PARPBP: variants seen among roughly 807,000 people sequenced by gnomAD.
The protein encoded by PARPBP is PARP1 binding protein, also known as PCNA-interacting partner.
PARPBP carries 52 observed loss-of-function variants against 50.0 expected under a neutral mutation model. The observed-to-expected ratio is 1.04, with a 90% CI of 0.83 to 1.31. The LOEUF is 1.31. Ranked by LOEUF, PARPBP falls within the 50% of genes most tolerant of loss-of-function variation. The pLI, the probability that PARPBP is intolerant of heterozygous loss-of-function variation, is 0.00. For missense variants in PARPBP, 697 were observed against 672.0 expected (o/e 1.04, Z -0.41); for synonymous variants, 244 against 232.1 (o/e 1.05, Z -0.47).
intron 4 of PARPBP, among the ~76,000 whole-genome samples, chr12:102,159,605 T>G (rs749606988): frequency 2.6e-5 from 4 of 152,208 alleles, no homozygotes; most frequent in Non-Finnish European, 2.9e-5. Context: ...TTCATTTTAT[T>G]TTTCCTAAGG....
chr12:102,193,036 C>T (rs958954554), intron 9 of PARPBP, among the ~76,000 whole-genome samples: 18 of 151,188 alleles, frequency 1.2e-4, no homozygotes, highest in African/African-American at 4.4e-4. Flanking sequence ...TCTTTTACAT[C>T]TGAACTTGTT....
chr12:102,159,518 A>G (rs571710177), intron 4 of PARPBP, among the ~76,000 whole-genome samples: 34 of 152,232 alleles, frequency 2.2e-4, no homozygotes, highest in Admixed American at 4.6e-4. Flanking sequence ...TGTGTTTACT[A>G]ATATGACACC....
At chr12:102,195,889 T>G in intron 10 of PARPBP, 62 bp from the exon 11 acceptor site, 4 of 1,073,576 alleles carry the variant, frequency 3.7e-6, no homozygotes, top group Non-Finnish European at 5.4e-6. Flanking sequence ...ATTGTAAAGT[T>G]CTCGTAAATA....
intron 2 of PARPBP, among the ~76,000 whole-genome samples, chr12:102,142,844 C>T (rs1884823626): frequency 6.6e-6 from 1 of 152,232 alleles, no homozygotes; most frequent in Admixed American, 6.5e-5. Flanking sequence ...CCTGATCCTT[C>T]CTCTGGAAGT....
intron 6 of PARPBP, among the ~76,000 whole-genome samples, chr12:102,173,137 CAAGTG>C (rs1488289833): frequency 3.9e-5 from 6 of 152,168 alleles, no homozygotes; most frequent in African/African-American, 9.6e-5. Flanking sequence ...GCCAGCGAGG[CAAGTG>C]AAGAAGGGAA....
At chr12:102,175,023 T>G (rs1362208815) in intron 6 of PARPBP, among the ~76,000 whole-genome samples, 1 of 152,202 alleles carries the variant, frequency 6.6e-6, no homozygotes, top group Non-Finnish European at 1.5e-5. Context: ...GACAAACCAT[T>G]TAACCTTTGT....
At chr12:102,174,286 C>T (rs750813427) in intron 6 of PARPBP, among the ~76,000 whole-genome samples, 1 of 151,944 alleles carries the variant, frequency 6.6e-6, no homozygotes, top group Non-Finnish European at 1.5e-5. Flanking sequence ...TAAACAAATG[C>T]CGGATATGAG....
intron 2 of PARPBP, among the ~76,000 whole-genome samples, chr12:102,146,187 G>A (rs973966696): frequency 4.6e-5 from 7 of 152,000 alleles, no homozygotes; most frequent in African/African-American, 1.7e-4. Context: ...GCCACCAATG[G>A]CTTTCTTCAC....
In PARPBP at chr12:102,162,350, T is replaced by G. The variant is rs1228409598; in HGVS notation, c.496-2088T>G. ...TACTGAAGGATTTTTGAATTTCATG[T>G]GTTTTGAGTGGGAATCGAGTTTAGA... On this transcript the variant is annotated intron_variant, in intron 4 of 10. Transcript: ENST00000327680. 3.3e-5 allele frequency among the ~76,000 whole-genome samples: 5 copies of G among 152,308 alleles called. No individual in the cohort carries two copies. The East Asian group carries it at 9.6e-4, about 29-fold the overall frequency.
intron 3 of PARPBP, among the ~76,000 whole-genome samples, chr12:102,149,445 A>G (rs1885897829): frequency 6.6e-6 from 1 of 152,174 alleles, no homozygotes; most frequent in East Asian, 1.9e-4. Context: ...AGACCATTTT[A>G]TGGTCCAAGA....
At position 102,147,876 on chromosome 12, in the gene PARPBP, T is replaced by A. The variant is rs181475306; in HGVS notation, c.154-354T>A. Among the ~76,000 whole-genome samples the A allele has an allele frequency of 2.4e-3, 368 of 152,110 alleles. 3 individuals carry two copies. The highest frequency in any genetic ancestry group is 4.1e-3 in the Non-Finnish European group (276 of 67,992). On this transcript the variant is annotated intron_variant, in intron 2 of 10. Transcript: ENST00000327680. ...GAAAAGGAACTAAAAAGAATCAAAA[T>A]TTTCCCCCATCAATAGTACTTAAGT... is the stretch of plus-strand genomic sequence containing the variant.
chr12:102,178,736 C>G lies in PARPBP; in HGVS notation c.1150C>G (p.His384Asp). Residue 384 changes from histidine to aspartate, a missense_variant, in exon 8 of 11, where the codon CAT (histidine) becomes GAT (aspartate). His to Asp is a moderately conservative substitution (Grantham distance 81, BLOSUM62 -1). Coordinates refer to ENST00000327680, the MANE Select transcript of PARPBP (RefSeq NM_017915.5). ...TTTATATGATGAGGAAAACACAATC[C>G]ATCATCATGGAACGTCTATTCTTAC... ...ELLYDEENTI[H>D]HHGTSILTLF... is the part of the protein sequence containing the mutation. The G allele has an allele frequency of 6.2e-7, 1 of 1,611,940 alleles. No individual in the cohort carries two copies. The highest frequency in any genetic ancestry group is 8.5e-7 in the Non-Finnish European group (1 of 1,178,882).
At chr12:102,169,590 A>G (rs1037876055) in intron 6 of PARPBP, among the ~76,000 whole-genome samples, 1 of 152,030 alleles carries the variant, frequency 6.6e-6, no homozygotes, top group Non-Finnish European at 1.5e-5. Context: ...TCCTATAGCT[A>G]CTATTTTATT....
chr12:102,130,919 A>AG (rs1200710504), intron 2 of PARPBP, among the ~76,000 whole-genome samples: 1 of 152,192 alleles, frequency 6.6e-6, no homozygotes, highest in African/African-American at 2.4e-5. Context: ...TTTCAAAAGA[A>AG]GACATACATG....
rs949858091 is a variant in PARPBP, at chr12:102,123,908, A to G, written c.20A>G (p.Lys7Arg). The change falls in exon 2 of 11, where the codon AAG becomes AGG. Residue 7 changes from lysine (K) to arginine (R), a missense_variant. Lys to Arg is a conservative substitution (Grantham distance 26, BLOSUM62 2). Transcript: ENST00000327680. ...AAGATAATGGCTGTGTTTAATCAGA[A>G]GTCTGTCTCGGATATGATTAAAGAG... MAVFNQKSVSDMIKEFR... is the reference protein window; with the variant it reads MAVFNQRSVSDMIKEFR... The G allele has an allele frequency of 1.3e-6, 2 of 1,534,946 alleles. No individual in the cohort carries two copies. Among genetic ancestry groups the G allele is most frequent in the Non-Finnish European group, 1.7e-6 (2 of 1,146,008 alleles).
At chr12:102,149,380 C>A (rs1199215981) in intron 3 of PARPBP, among the ~76,000 whole-genome samples, 1 of 152,114 alleles carries the variant, frequency 6.6e-6, no homozygotes. Flanking sequence ...TATCAGAGAC[C>A]TGGACTTTTT....
chr12:102,186,442 A>T (rs761733896), intron 9 of PARPBP, among the ~76,000 whole-genome samples: 4 of 151,624 alleles, frequency 2.6e-5, no homozygotes, highest in Non-Finnish European at 4.4e-5. Flanking sequence ...TTGTTTTTGG[A>T]TGTAGGTGCT....
At chr12:102,139,102 G>C (rs1471920031) in intron 2 of PARPBP, among the ~76,000 whole-genome samples, 1 of 152,140 alleles carries the variant, frequency 6.6e-6, no homozygotes, top group Non-Finnish European at 1.5e-5. Context: ...TCACCATATT[G>C]ATTCTTCCTG....
intron 6 of PARPBP, among the ~76,000 whole-genome samples, chr12:102,172,370 A>G (rs370140360): frequency 2.0e-5 from 3 of 152,202 alleles, no homozygotes; most frequent in Admixed American, 1.3e-4. Flanking sequence ...TGAGCTCTTA[A>G]AGAGAAAGAT....
Sources: allele counts gnomAD v4.1 joint callset (sites outside exome capture counted in the v4.1 genomes callset), GRCh38; gene constraint gnomAD v4.1.1; transcripts MANE v1.5; gene names NCBI Gene and HGNC (gene_info 2026-07-23, HGNC 2026-07-21).